Variants in FRMPD4 observed in about 807,000 individuals in gnomAD.
FRMPD4 encodes the protein FERM and PDZ domain containing 4, also known as FERM and PDZ domain-containing protein 4.
Under a neutral mutation model 94.1 loss-of-function variants are expected in FRMPD4, and 22 were observed. That is an observed-to-expected ratio of 0.23 (90% CI 0.17 to 0.33). FRMPD4 has a LOEUF of 0.33. Among genes scored for constraint, FRMPD4 ranks in the 10% least tolerant of loss-of-function variants. The probability of loss-of-function intolerance (pLI) is 1.00; values close to 1 mark genes in which losing one functional copy is unlikely to be tolerated. For missense variants in FRMPD4, 1,111 were observed against 1,339.9 expected, an observed-to-expected ratio of 0.83 and a Z score of 2.67; for synonymous variants, 631 against 548.6, an observed-to-expected ratio of 1.15 and a Z score of -2.10.
chrX:12,276,834 A>C (rs2054444195), intron 1 of FRMPD4, among the ~76,000 whole-genome samples: 1 of 111,786 alleles, frequency 8.9e-6, no homozygotes, highest in Admixed American at 9.4e-5. Flanking sequence ...CAAAAATGTT[A>C]ATTTTGGCCG....
chrX:12,462,699 A>G (rs1240994064), intron 1 of FRMPD4, among the ~76,000 whole-genome samples: 1 of 112,445 alleles, frequency 8.9e-6, no homozygotes, highest in Admixed American at 9.4e-5. Context: ...TTAGAAAATC[A>G]AACTGCAGGC....
intron 4 of FRMPD4, among the ~76,000 whole-genome samples, chrX:12,628,384 G>T (rs2059365476): frequency 9.0e-6 from 1 of 111,125 alleles, no homozygotes; most frequent in Non-Finnish European, 1.9e-5. Context: ...GTACCCATTT[G>T]GTCTGTCTTT....
chrX:12,715,998 G>GCCGGGGGGCC, intron 14 of FRMPD4, 71 bp from the exon 15 acceptor site: 4 of 383,852 alleles, frequency 1.0e-5, no homozygotes, highest in East Asian at 4.2e-5. Context: ...ACAGAGACGA[G>GCCGGGGGGCC]CCTCCCACCC....
At chrX:12,408,576 C>T (rs1436019837) in intron 1 of FRMPD4, among the ~76,000 whole-genome samples, 1 of 111,038 alleles carries the variant, frequency 9.0e-6, no homozygotes, top group African/African-American at 3.3e-5. Context: ...ACATACTGGG[C>T]ACTTGATCAG....
intron 1 of FRMPD4, among the ~76,000 whole-genome samples, chrX:12,411,514 G>A (rs1452958338): frequency 8.9e-6 from 1 of 112,156 alleles, no homozygotes; most frequent in African/African-American, 3.2e-5. Flanking sequence ...ATTCAGTTGA[G>A]GTGAGGACCA....
chrX:11,875,004 G>T (rs1225335536), intron 2 of FRMPD4, among the ~76,000 whole-genome samples: 1 of 112,422 alleles, frequency 8.9e-6, no homozygotes, highest in African/African-American at 3.2e-5. Context: ...GGAGGCAGAG[G>T]CCTTGAACGT....
At chrX:11,873,648 T>C (rs1207123773) in intron 2 of FRMPD4, among the ~76,000 whole-genome samples, 1 of 109,146 alleles carries the variant, frequency 9.2e-6, no homozygotes, top group African/African-American at 3.3e-5. Flanking sequence ...TGTTTAAATG[T>C]CAGTTGTCCC....
chrX:12,071,838 G>A (rs995364279), intron 3 of FRMPD4, among the ~76,000 whole-genome samples: 1 of 111,228 alleles, frequency 9.0e-6, no homozygotes, highest in African/African-American at 3.3e-5. Flanking sequence ...TGGCCAGGCA[G>A]GCATGTGACC....
In FRMPD4 at chrX:12,704,406, G is replaced by A; in HGVS notation, c.1118G>A (p.Ser373Asn). 8.4e-7 allele frequency: 1 copy of A among 1,184,604 alleles called. No individual in the cohort carries two copies. The highest frequency in any genetic ancestry group is 1.8e-5 in the South Asian group (1 of 54,505). The change falls in exon 11 of 17, where the codon AGC (serine) becomes AAC (asparagine). Residue 373 changes from serine to asparagine, a missense_variant. Transcript: ENST00000675598. ...TTTCTTCCCTCTGCTGTGCTGCAAAGCATGAAAGAGAAGAACATAAAGAAA... is the reference window on the plus strand; with the variant it reads ...TTTCTTCCCTCTGCTGTGCTGCAAAACATGAAAGAGAAGAACATAAAGAAA... ...ETFLPSAVLQ[S>N]MKEKNIKKAL... is the part of the protein sequence containing the mutation.
chrX:12,369,374 C>T (rs1294247501), intron 1 of FRMPD4, among the ~76,000 whole-genome samples: 1 of 110,225 alleles, frequency 9.1e-6, no homozygotes, highest in Non-Finnish European at 1.9e-5. Context: ...TTAACTAACG[C>T]GGGCCTCCTT....
At chrX:12,276,928 C>A (rs1389481080) in intron 1 of FRMPD4, among the ~76,000 whole-genome samples, 1 of 109,117 alleles carries the variant, frequency 9.2e-6, no homozygotes, top group East Asian at 2.8e-4. Flanking sequence ...GAGACCATCC[C>A]GGCTAAAATG....
chrX:12,380,436 C>T (rs998682841), intron 1 of FRMPD4, among the ~76,000 whole-genome samples: 1 of 112,015 alleles, frequency 8.9e-6, no homozygotes, highest in African/African-American at 3.2e-5. Context: ...ATCTTCTTAC[C>T]TTTAATTAGA....
chrX:12,088,364 C>T (rs774848582), intron 3 of FRMPD4, among the ~76,000 whole-genome samples: 1 of 111,755 alleles, frequency 8.9e-6, no homozygotes, highest in South Asian at 3.8e-4. Flanking sequence ...GCTCTGCCCT[C>T]ATGACCTAAT....
chrX:12,097,666 G>C (rs1482483208), intron 3 of FRMPD4, among the ~76,000 whole-genome samples: 1 of 112,315 alleles, frequency 8.9e-6, no homozygotes, highest in Non-Finnish European at 1.9e-5. Flanking sequence ...AATGCAACTG[G>C]AATAATGCAA....
intron 1 of FRMPD4, among the ~76,000 whole-genome samples, chrX:12,236,349 T>C (rs1182573362): frequency 1.8e-5 from 2 of 111,482 alleles, no homozygotes; most frequent in Non-Finnish European, 3.8e-5. Context: ...TCAACAGTTT[T>C]ATTGAGCACC....
intron 1 of FRMPD4, among the ~76,000 whole-genome samples, chrX:12,200,387 G>T (rs1399413475): frequency 8.9e-6 from 1 of 112,098 alleles, no homozygotes; most frequent in Non-Finnish European, 1.9e-5. Context: ...TGCAAAGGTG[G>T]TTTCAAGTAT....
intron 4 of FRMPD4, among the ~76,000 whole-genome samples, chrX:12,618,430 T>C (rs1218175364): frequency 3.6e-5 from 4 of 111,716 alleles, no homozygotes; most frequent in Non-Finnish European, 7.5e-5. Context: ...TATTTATGAC[T>C]GGACAATGCT....
At chrX:12,697,415 G>A (rs1450205666) in intron 9 of FRMPD4, among the ~76,000 whole-genome samples, 1 of 112,224 alleles carries the variant, frequency 8.9e-6, no homozygotes, top group Non-Finnish European at 1.9e-5. Context: ...GTCAGTAGTC[G>A]CTGTAGACAG....
chrX:12,373,289 G>C, intron 1 of FRMPD4: 1 of 112,238 alleles, frequency 8.9e-6, no homozygotes, highest in East Asian at 2.8e-4. Context: ...CATTTCGCAT[G>C]CTTTAACCTG....
Sources: allele counts gnomAD v4.1 joint callset (sites outside exome capture counted in the v4.1 genomes callset), GRCh38; gene constraint gnomAD v4.1.1; transcripts MANE v1.5; gene names NCBI Gene and HGNC (gene_info 2026-07-23, HGNC 2026-07-21).